The following SCAPER variants were observed in gnomAD, a reference collection of about 807,000 sequenced individuals.
SCAPER encodes S phase cyclin A-associated protein in the endoplasmic reticulum.
SCAPER carries 98 observed loss-of-function variants against 182.2 expected under a neutral mutation model. That is an observed-to-expected ratio of 0.54 (90% confidence interval 0.46 to 0.64). The LOEUF is 0.64. Among genes scored for constraint, SCAPER ranks in the 30% least tolerant of loss-of-function variants. The probability of loss-of-function intolerance (pLI) is 0.00; values close to 1 mark genes in which losing one functional copy is unlikely to be tolerated. For missense variants in SCAPER, 1,432 were observed against 1,690.0 expected (o/e 0.85, Z 2.68); for synonymous variants, 605 against 564.6 (o/e 1.07, Z -1.01).
At chr15:76,758,970 T>G (rs2062609995) in intron 14 of SCAPER, among the ~76,000 whole-genome samples, 1 of 148,388 alleles carries the variant, frequency 6.7e-6, no homozygotes, top group African/African-American at 2.4e-5. Flanking sequence ...ATATTATTTC[T>G]CAAAGTTTTT....
At chr15:76,516,378 A>G (rs1450639210) in intron 23 of SCAPER, among the ~76,000 whole-genome samples, 1 of 55,254 alleles carries the variant, frequency 1.8e-5, no homozygotes, top group Non-Finnish European at 3.8e-5. Flanking sequence ...CCCCCACCCC[A>G]CCCCCGCAAC....
intron 23 of SCAPER, among the ~76,000 whole-genome samples, chr15:76,521,444 A>G (rs2042829344): frequency 6.6e-6 from 1 of 151,884 alleles, no homozygotes; most frequent in Admixed American, 6.6e-5. Context: ...GCACTTTGGG[A>G]GGGTGGGGAG....
At chr15:76,587,907 T>C (rs1283368055) in intron 22 of SCAPER, among the ~76,000 whole-genome samples, 2 of 151,556 alleles carry the variant, frequency 1.3e-5, no homozygotes, top group Non-Finnish European at 2.9e-5. Flanking sequence ...CTACTGTCTT[T>C]CTCATTTCTT....
chr15:76,728,642 C>T lies in SCAPER; in HGVS notation c.2118G>A (p.Arg706=), dbSNP rs2060731347. 1 of 1,613,672 alleles carries T rather than the reference C, an allele frequency of 6.2e-7. No homozygotes were observed. The highest frequency in any genetic ancestry group is 1.1e-5 in the South Asian group (1 of 91,062). Residue 706 remains arginine (R), a synonymous_variant, in exon 17 of 32, where the codon AGG becomes AGA. Coordinates refer to ENST00000563290, the MANE Select transcript of SCAPER (RefSeq NM_020843.4). ...KEQEARIEQQ[R]QEKEKAREDA... Reference sequence around the variant, plus strand: ...CCTCACGGGCTTTTTCCTTTTCTTGCCTCTGTTGTTCAATTCGGGCTTCTT... The same window carrying T: ...CCTCACGGGCTTTTTCCTTTTCTTGTCTCTGTTGTTCAATTCGGGCTTCTT...
intron 24 of SCAPER, 56 bp downstream of exon 24, chr15:76,504,803 G>C (rs1338488863): frequency 7.2e-7 from 1 of 1,385,396 alleles, no homozygotes; most frequent in Non-Finnish European, 9.8e-7. Context: ...GGAAACCATA[G>C]GGCAGAAATG....
At chr15:76,516,596 T>G (rs1465659162) in intron 23 of SCAPER, among the ~76,000 whole-genome samples, 1 of 152,242 alleles carries the variant, frequency 6.6e-6, no homozygotes, top group Non-Finnish European at 1.5e-5. Flanking sequence ...TGGCACATTT[T>G]CTTTATCCAG....
chr15:76,665,437 TAAG>T (rs2056500238), intron 21 of SCAPER, among the ~76,000 whole-genome samples: 1 of 152,214 alleles, frequency 6.6e-6, no homozygotes, highest in Non-Finnish European at 1.5e-5. Context: ...CATCCAATTA[TAAG>T]AAGAGCTCTT....
chr15:76,751,590 T>C lies in SCAPER; in HGVS notation c.1866+2218A>G, dbSNP rs117612041. On this transcript the variant is annotated intron_variant, in intron 15 of 31. Coordinates refer to ENST00000563290, the MANE Select transcript of SCAPER (RefSeq NM_020843.4). ...ATAGACCCTCACAGATATAGTCAAATAATTTTTGACAAGGGTGCCAAGATA... is the reference window on the plus strand; with the variant it reads ...ATAGACCCTCACAGATATAGTCAAACAATTTTTGACAAGGGTGCCAAGATA... Among the ~76,000 whole-genome samples the C allele has an allele frequency of 3.6e-4, 54 of 151,886 alleles. No individual in the cohort carries two copies. The East Asian group carries it at 9.1e-3, about 25-fold the overall frequency.
chr15:76,354,411 T>C lies in SCAPER; in HGVS notation c.3856-271A>G. 1 of 336,838 alleles carries C rather than the reference T, an allele frequency of 3.0e-6. No homozygotes were observed. The highest frequency in any genetic ancestry group is 5.3e-6 in the Non-Finnish European group (1 of 187,790). 20.9% of individuals were successfully genotyped at this position (336,838 alleles called of 1,614,324 possible). ...GATTAAAGGTGTAGCTGCCACGGAG[T>C]AAGGACGCCTATGAAATGGATTCAG... On this transcript the variant is annotated intron_variant, in intron 29 of 31. Transcript: ENST00000563290. The surrounding 1 kb of genome is among the most constrained non-coding windows in gnomAD (Gnocchi z 4.4).
At chr15:76,530,110 C>T (rs907379223) in intron 23 of SCAPER, among the ~76,000 whole-genome samples, 16 of 152,158 alleles carry the variant, frequency 1.1e-4, no homozygotes, top group African/African-American at 3.9e-4. Context: ...GAGGAATGAT[C>T]TACTTCCTAA....
intron 24 of SCAPER, among the ~76,000 whole-genome samples, chr15:76,499,590 C>T (rs1219705040): frequency 6.6e-6 from 1 of 152,128 alleles, no homozygotes; most frequent in Non-Finnish European, 1.5e-5. Context: ...TCTCATGATC[C>T]TAAGGACTTA....
At position 76,350,816 on chromosome 15, in the gene SCAPER, CTG is replaced by C. The variant is rs1316203092; in HGVS notation, c.4099+419_4099+420del. 6.5e-5 allele frequency: 10 copies of C among 153,568 alleles called. No homozygotes were observed. In the Admixed American group the frequency reaches 6.5e-4, roughly 10 times the overall value. The allele number at this position is 153,568 out of a possible 1,614,324, so 9.5% of individuals were successfully genotyped here. A position where few individuals can be genotyped will look rare whatever the true frequency, so the allele number is the denominator to read the frequency against. On this transcript the variant is annotated intron_variant, in intron 31 of 31. Coordinates refer to ENST00000563290, the MANE Select transcript of SCAPER (RefSeq NM_020843.4). ...TCAACTACTTGAACTTGGGGGGAAA[CTG>C]TGGGCTACTATTACTGATAACTTTA...
intron 7 of SCAPER, among the ~76,000 whole-genome samples, chr15:76,799,381 C>T (rs190003977): frequency 6.7e-6 from 1 of 149,988 alleles, no homozygotes; most frequent in African/African-American, 2.5e-5. Context: ...CACCCGCCCC[C>T]GCCCCCAAAT....
intron 23 of SCAPER, among the ~76,000 whole-genome samples, chr15:76,514,086 G>A (rs2042246808): frequency 6.6e-6 from 1 of 152,198 alleles, no homozygotes; most frequent in South Asian, 2.1e-4. Context: ...ATCAAGCAAA[G>A]TGTTTTCAGT....
rs1285684344 is a variant in SCAPER, at chr15:76,602,711, G to A, written c.2711+19053C>T. On this transcript the variant is annotated intron_variant, in intron 22 of 31. Transcript: ENST00000563290. The stretch of plus-strand genomic sequence containing the variant: ...CTTCTGGTATCCCAATTACATGTAC[G>A]TTATACCTTTTTGCAGTTGTCCCAC... Among the ~76,000 whole-genome samples, 22 of 119,402 alleles carry A rather than the reference G, an allele frequency of 1.8e-4. 4 individuals are homozygous for A. The highest frequency in any genetic ancestry group is 5.1e-4 in the African/African-American group (20 of 39,398). The allele number at this position is 119,402 out of a possible 152,430, so 78.3% of individuals were successfully genotyped here.
chr15:76,780,229 C>T (rs554041041), intron 8 of SCAPER, among the ~76,000 whole-genome samples: 2 of 152,364 alleles, frequency 1.3e-5, no homozygotes, highest in Non-Finnish European at 2.9e-5. Context: ...GATTCTCTCC[C>T]GCGCCTGGCT....
chr15:76,543,966 A>G (rs2045017928), intron 23 of SCAPER, among the ~76,000 whole-genome samples: 1 of 152,222 alleles, frequency 6.6e-6, no homozygotes, highest in Admixed American at 6.5e-5. Flanking sequence ...TCCAGAACAC[A>G]AAAAGGACAC....
intron 2 of SCAPER, among the ~76,000 whole-genome samples, chr15:76,871,084 C>T (rs2072693010): frequency 6.6e-6 from 1 of 151,980 alleles, no homozygotes. Context: ...AAGTAACTGC[C>T]ATGCAGAAAT....
chr15:76,423,326 C>A (rs1168954426), intron 26 of SCAPER, among the ~76,000 whole-genome samples: 1 of 152,196 alleles, frequency 6.6e-6, no homozygotes, highest in Non-Finnish European at 1.5e-5. Flanking sequence ...AGAGATTCAA[C>A]TTCTTCCTGG....
Sources: allele counts gnomAD v4.1 joint callset (sites outside exome capture counted in the v4.1 genomes callset), GRCh38; gene constraint gnomAD v4.1.1; non-coding constraint Gnocchi (gnomAD v3.1); transcripts MANE v1.5; gene names NCBI Gene and HGNC (gene_info 2026-07-23, HGNC 2026-07-21).